Variants in SCAMP1 observed in about 807,000 individuals in gnomAD.
SCAMP1 encodes the protein secretory carrier membrane protein 1.
Under a neutral mutation model 41.8 loss-of-function variants are expected in SCAMP1, and 15 were observed. That is an observed-to-expected ratio of 0.36 (90% CI 0.24 to 0.55). SCAMP1 has a LOEUF of 0.55. Among genes scored for constraint, SCAMP1 ranks in the 20% least tolerant of loss-of-function variants. The pLI, the probability that SCAMP1 is intolerant of heterozygous loss-of-function variation, is 0.86. For synonymous variants in SCAMP1, 135 were observed against 136.8 expected (o/e 0.99, Z 0.09); for missense variants, 341 against 412.6 (o/e 0.83, Z 1.50).
intron 2 of SCAMP1, among the ~76,000 whole-genome samples, chr5:78,392,111 A>C (rs760963585): frequency 6.6e-6 from 1 of 152,064 alleles, no homozygotes; most frequent in Admixed American, 6.5e-5. Context: ...AGAGATTTTT[A>C]TATAAATGTT....
At chr5:78,421,671 T>C in intron 5 of SCAMP1, 130 bp from the exon 6 acceptor site, 1 of 789,098 alleles carries the variant, frequency 1.3e-6, no homozygotes, top group South Asian at 1.8e-5. Flanking sequence ...TTTTGAAAAA[T>C]ATAAATGGAA....
At chr5:78,402,177 G>C (rs1751814780) in intron 2 of SCAMP1, among the ~76,000 whole-genome samples, 1 of 149,686 alleles carries the variant, frequency 6.7e-6, no homozygotes, top group Admixed American at 6.7e-5. Flanking sequence ...TCCCTTGTTT[G>C]AGAGTAAATA....
At chr5:78,383,620 A>G (rs1028071411) in intron 1 of SCAMP1, among the ~76,000 whole-genome samples, 5 of 152,144 alleles carry the variant, frequency 3.3e-5, no homozygotes, top group Non-Finnish European at 5.9e-5. Flanking sequence ...AAGGTGAGAG[A>G]TGAGGATCCG....
At chr5:78,408,244 G>C (rs1337027581) in intron 2 of SCAMP1, among the ~76,000 whole-genome samples, 1 of 152,166 alleles carries the variant, frequency 6.6e-6, no homozygotes. Context: ...GCAGGCAAGA[G>C]AGCATGTGTA....
At chr5:78,409,422 T>TACAC (rs59969661) in intron 2 of SCAMP1, among the ~76,000 whole-genome samples, 87,658 of 148,724 alleles carry the variant, frequency 0.59, 26,595 homozygotes, top group South Asian at 0.71. Context: ...CACATATAGA[T>TACAC]ACACACACAC....
At chr5:78,398,199 G>GAT (rs1751701774) in intron 2 of SCAMP1, among the ~76,000 whole-genome samples, 1 of 151,946 alleles carries the variant, frequency 6.6e-6, no homozygotes, top group Non-Finnish European at 1.5e-5. Flanking sequence ...ACTGATGAAT[G>GAT]GATAAATAAA....
intron 6 of SCAMP1, among the ~76,000 whole-genome samples, chr5:78,440,896 G>A (rs998379576): frequency 6.6e-6 from 1 of 152,206 alleles, no homozygotes; most frequent in African/African-American, 2.4e-5. Context: ...ACCTACTCAA[G>A]CCTCAGCAGT....
intron 1 of SCAMP1, among the ~76,000 whole-genome samples, chr5:78,379,499 C>CATCTAATA (rs1484684137): frequency 2.6e-5 from 4 of 152,242 alleles, no homozygotes; most frequent in African/African-American, 9.6e-5. Flanking sequence ...AATGCTTTGT[C>CATCTAATA]ATCTAATACT....
chr5:78,399,064 A>G (rs759318005), intron 2 of SCAMP1, among the ~76,000 whole-genome samples: 3 of 152,144 alleles, frequency 2.0e-5, no homozygotes, highest in Non-Finnish European at 2.9e-5. Flanking sequence ...AGTTGGAATC[A>G]TACATAATGT....
intron 1 of SCAMP1, among the ~76,000 whole-genome samples, chr5:78,376,637 A>C (rs1751071690): frequency 6.6e-6 from 1 of 152,162 alleles, no homozygotes; most frequent in Non-Finnish European, 1.5e-5. Flanking sequence ...AAATATATCT[A>C]CTTCACATTA....
At chr5:78,364,853 G>A (rs1750753018) in intron 1 of SCAMP1, among the ~76,000 whole-genome samples, 1 of 144,604 alleles carries the variant, frequency 6.9e-6, no homozygotes, top group East Asian at 2.1e-4. Context: ...TTGGACACAG[G>A]GTGGGGAACA....
intron 6 of SCAMP1, among the ~76,000 whole-genome samples, chr5:78,436,703 C>A (rs943166496): frequency 3.3e-5 from 5 of 152,154 alleles, no homozygotes; most frequent in Non-Finnish European, 7.4e-5. Flanking sequence ...CTTGGCAATG[C>A]AGGCTCTTTT....
At chr5:78,443,103 T>C (rs1411431970) in intron 6 of SCAMP1, among the ~76,000 whole-genome samples, 2 of 147,998 alleles carry the variant, frequency 1.4e-5, no homozygotes, top group African/African-American at 5.0e-5. Flanking sequence ...GTCCCAGCTA[T>C]GCGTGAGGCT....
In SCAMP1 at chr5:78,363,452, A is replaced by G. The variant is rs187074480; in HGVS notation, c.57+2724A>G. On this transcript the variant is annotated intron_variant, in intron 1 of 8. Transcript: ENST00000621999. ...TCTCGATCTCCTGACCTCGTGATCT[A>G]CCCGCCTTGGCCTCCCAAAGTGCTG... Among the ~76,000 whole-genome samples the G allele has an allele frequency of 3.4e-3, 520 of 151,884 alleles. 1 individual carries two copies. The highest frequency in any genetic ancestry group is 0.011 in the African/African-American group (472 of 41,394).
chr5:78,365,792 T>G (rs1040658233), intron 1 of SCAMP1, among the ~76,000 whole-genome samples: 7 of 152,172 alleles, frequency 4.6e-5, no homozygotes, highest in African/African-American at 1.7e-4. Flanking sequence ...CTATTGAAAT[T>G]TTTTTTAGAA....
Position 78,421,939 on chromosome 5 carries a change from G to T in SCAMP1, c.611G>T (p.Arg204Ile). The change falls in exon 6 of 9, where the codon AGA becomes ATA. Residue 204 changes from arginine to isoleucine, a missense_variant. By Grantham distance (97) the Arg-to-Ile change is moderately conservative. Coordinates refer to ENST00000621999, the MANE Select transcript of SCAMP1 (RefSeq NM_004866.6). ...CCTTGTTCATTTGTCTGTTGGTACA[G>T]ACCACTTTATGGAGCTTTCAGGTAA... is the stretch of plus-strand genomic sequence containing the variant. ...FTPCSFVCWY[R>I]PLYGAFRSDS... 6.2e-7 allele frequency: 1 copy of T among 1,613,026 alleles called. No homozygotes were observed. The highest frequency in any genetic ancestry group is 1.1e-5 in the South Asian group (1 of 90,888).
At chr5:78,473,107 C>G (rs145468390) in intron 8 of SCAMP1, among the ~76,000 whole-genome samples, 1 of 152,062 alleles carries the variant, frequency 6.6e-6, no homozygotes, top group Non-Finnish European at 1.5e-5. Context: ...AAAATAATTA[C>G]TTTTATACTT....
chr5:78,413,245 A>C (rs1278272415), intron 2 of SCAMP1, among the ~76,000 whole-genome samples: 1 of 152,046 alleles, frequency 6.6e-6, no homozygotes, highest in Admixed American at 6.5e-5. Flanking sequence ...GTTAGATATC[A>C]AGTTTCTGCA....
rs548469527 is a variant in SCAMP1 at position 78,388,807 on chromosome 5, C to CT, written c.58-22dup. 489 of 1,197,418 alleles carry CT rather than the reference C, an allele frequency of 4.1e-4. 2 individuals carry two copies. The African/African-American group carries it at 5.4e-3, about 13-fold the overall frequency. 74.2% of individuals were successfully genotyped at this position (1,197,418 alleles called of 1,614,324 possible). ...AATTATTTTTTAAAGGATAAGTAAT[C>CT]TTTTTTTTCTCCTTTGAATTTTATT... On this transcript the variant is annotated intron_variant, in intron 1 of 8. Coordinates refer to ENST00000621999, the MANE Select transcript of SCAMP1 (RefSeq NM_004866.6).
Sources: allele counts gnomAD v4.1 joint callset (sites outside exome capture counted in the v4.1 genomes callset), GRCh38; gene constraint gnomAD v4.1.1; transcripts MANE v1.5; gene names NCBI Gene and HGNC (gene_info 2026-07-23, HGNC 2026-07-21).